EPN2: variants seen among roughly 807,000 people sequenced by gnomAD.
EPN2 encodes the protein epsin-2.
In EPN2, 34 loss-of-function variants were observed where a neutral mutation model predicts 61.7. That is an observed-to-expected ratio of 0.55 (90% confidence interval 0.42 to 0.73). The LOEUF (loss-of-function observed/expected upper bound fraction) is 0.73. EPN2 is among the 30% of genes least tolerant of loss of function. The pLI is 0.00. For synonymous variants in EPN2, 349 were observed against 353.6 expected, an observed-to-expected ratio of 0.99 and a Z score of 0.15; for missense variants, 714 against 839.2, an observed-to-expected ratio of 0.85 and a Z score of 1.84.
chr17:19,247,599 TGGTGACG>T (rs1389685280), intron 1 of EPN2, among the ~76,000 whole-genome samples: 1 of 152,204 alleles, frequency 6.6e-6, no homozygotes, highest in Non-Finnish European at 1.5e-5. Context: ...CTCCTGCAGC[TGGTGACG>T]GGTGGATGCC....
chr17:19,332,927 T>G (rs1436121491), intron 10 of EPN2, among the ~76,000 whole-genome samples: 2 of 152,338 alleles, frequency 1.3e-5, no homozygotes, highest in East Asian at 3.9e-4. Flanking sequence ...TCTGAGGATC[T>G]TGGGCCACCG....
chr17:19,309,684 G>C (rs1234352163), intron 4 of EPN2, among the ~76,000 whole-genome samples: 1 of 152,168 alleles, frequency 6.6e-6, no homozygotes, highest in East Asian at 1.9e-4. Flanking sequence ...TTCTGTAGTT[G>C]GGAAAGCTAC....
At chr17:19,318,175 G>C (rs912850787) in intron 7 of EPN2, among the ~76,000 whole-genome samples, 10 of 152,176 alleles carry the variant, frequency 6.6e-5, no homozygotes, top group Admixed American at 5.9e-4. Context: ...AGGTGGTCAG[G>C]ATTTGATTCA....
At chr17:19,284,066 G>A (rs192386794) in intron 3 of EPN2, among the ~76,000 whole-genome samples, 1 of 152,330 alleles carries the variant, frequency 6.6e-6, no homozygotes, top group East Asian at 1.9e-4. Flanking sequence ...ACAATGGGGA[G>A]TTGACTCTGG....
chr17:19,310,622 G>T (rs1287700464), intron 5 of EPN2, among the ~76,000 whole-genome samples: 1 of 110,340 alleles, frequency 9.1e-6, no homozygotes, highest in Non-Finnish European at 1.7e-5. Flanking sequence ...CTGTCACCCA[G>T]GCTGGAGTGC....
At chr17:19,330,684 T>A (rs555234295) in intron 9 of EPN2, 1 of 152,422 alleles carries the variant, frequency 6.6e-6, no homozygotes, top group Admixed American at 6.5e-5. Context: ...TGGCCATTGT[T>A]ACATGTCAGC....
intron 4 of EPN2, among the ~76,000 whole-genome samples, chr17:19,303,023 C>T (rs990155945): frequency 2.0e-5 from 3 of 152,248 alleles, no homozygotes; most frequent in Admixed American, 2.0e-4. Flanking sequence ...CAGGCATCCA[C>T]ACACAGAGTG....
intron 6 of EPN2, 23 bp from the exon 7 acceptor site, chr17:19,313,082 T>G: frequency 6.2e-7 from 1 of 1,609,834 alleles, no homozygotes; most frequent in Non-Finnish European, 8.5e-7. Context: ...GTAAAACCTG[T>G]CCCCTTCTCT....
chr17:19,287,614 A>G (rs2045418593), intron 4 of EPN2, among the ~76,000 whole-genome samples: 1 of 152,146 alleles, frequency 6.6e-6, no homozygotes. Flanking sequence ...CCTTCTTGGA[A>G]ATCAGCAGTG....
At chr17:19,295,364 A>AGACGCGCG (rs2045507014) in intron 4 of EPN2, among the ~76,000 whole-genome samples, 1 of 81,764 alleles carries the variant, frequency 1.2e-5, no homozygotes, top group Non-Finnish European at 3.9e-5. Flanking sequence ...ACACACACAC[A>AGACGCGCG]CACGCGCGTG....
intron 1 of EPN2, chr17:19,258,055 A>G (rs2045101032): frequency 6.5e-6 from 1 of 153,660 alleles, no homozygotes. Context: ...GGAGCTGTCT[A>G]GTAGGGGAGA....
intron 9 of EPN2, chr17:19,330,622 A>T (rs1381032894): frequency 6.6e-6 from 1 of 152,242 alleles, no homozygotes; most frequent in Non-Finnish European, 1.5e-5. Context: ...AGGCCAAAGT[A>T]TAGCCTAACC....
At chr17:19,249,802 C>T (rs1357309561) in intron 1 of EPN2, among the ~76,000 whole-genome samples, 1 of 152,104 alleles carries the variant, frequency 6.6e-6, no homozygotes, top group Non-Finnish European at 1.5e-5. Flanking sequence ...GGAAGTCCGA[C>T]ACAGGTCTTA....
chr17:19,260,826 T>C (rs1354421945), intron 1 of EPN2, among the ~76,000 whole-genome samples: 1 of 152,080 alleles, frequency 6.6e-6, no homozygotes, highest in Non-Finnish European at 1.5e-5. Flanking sequence ...AAACACAAAT[T>C]GTGTATTATT....
chr17:19,287,046 G>A (rs545704217), intron 4 of EPN2, among the ~76,000 whole-genome samples: 3 of 152,168 alleles, frequency 2.0e-5, no homozygotes, highest in East Asian at 1.9e-4. Context: ...AGCCTTGGTG[G>A]CCAATTTTGT....
intron 1 of EPN2, among the ~76,000 whole-genome samples, chr17:19,279,255 T>G (rs576676212): frequency 4.0e-4 from 61 of 152,186 alleles, no homozygotes; most frequent in African/African-American, 1.5e-3. Context: ...CTCACAGGAA[T>G]CACTGCCTTT....
In EPN2 at chr17:19,283,266, C is replaced by T. The variant is rs753936042; in HGVS notation, c.147C>T (p.Asn49=). The T allele has an allele frequency of 1.4e-5, 23 of 1,614,012 alleles. No homozygotes were observed. Among genetic ancestry groups the T allele is most frequent in the South Asian group, 3.3e-5 (3 of 91,074 alleles). Reference sequence around the variant, plus strand: ...CCGAGATTGCCGACCTGACCTACAACGTGGTGGCCTTCTCGGAGATCATGA... The same window carrying T: ...CCGAGATTGCCGACCTGACCTACAATGTGGTGGCCTTCTCGGAGATCATGA... ...LMTEIADLTY[N]VVAFSEIMSM... Residue 49 remains asparagine (N), a synonymous_variant, in exon 3 of 11, where the codon AAC becomes AAT. Coordinates refer to ENST00000314728, the MANE Select transcript of EPN2 (RefSeq NM_014964.5). This position sits in a 1 kb window ranked among gnomAD's most constrained non-coding sequence, Gnocchi z 7.0.
chr17:19,243,320 C>T (rs1424527746), intron 1 of EPN2, among the ~76,000 whole-genome samples: 4 of 144,780 alleles, frequency 2.8e-5, no homozygotes, highest in African/African-American at 1.0e-4. Flanking sequence ...CAGGTTAAAG[C>T]GATTTTTCTG....
At chr17:19,245,695 T>C (rs1346391353) in intron 1 of EPN2, among the ~76,000 whole-genome samples, 1 of 150,746 alleles carries the variant, frequency 6.6e-6, no homozygotes, top group Non-Finnish European at 1.5e-5. Context: ...GGAGTTTTGC[T>C]CTTGTCGCCT....
Sources: allele counts gnomAD v4.1 joint callset (sites outside exome capture counted in the v4.1 genomes callset), GRCh38; gene constraint gnomAD v4.1.1; non-coding constraint Gnocchi (gnomAD v3.1); transcripts MANE v1.5; gene names NCBI Gene and HGNC (gene_info 2026-07-23, HGNC 2026-07-21).